Variants in GPR137C observed in about 807,000 individuals in gnomAD.
The protein encoded by GPR137C is integral membrane protein GPR137C.
Under a neutral mutation model 43.4 loss-of-function variants are expected in GPR137C, and 27 were observed. That is an observed-to-expected ratio of 0.62 (90% confidence interval 0.46 to 0.86). The LOEUF (loss-of-function observed/expected upper bound fraction) is 0.86, where lower values mean the gene tolerates loss of function less well. Among genes scored for constraint, GPR137C ranks in the 40% least tolerant of loss-of-function variants. The probability of loss-of-function intolerance (pLI) is 0.00; values close to 1 mark genes in which losing one functional copy is unlikely to be tolerated. For missense variants in GPR137C, 522 were observed against 534.6 expected (o/e 0.98, Z 0.23); for synonymous variants, 285 against 226.9 (o/e 1.26, Z -2.30).
intron 3 of GPR137C, among the ~76,000 whole-genome samples, chr14:52,606,457 G>A (rs1204597543): frequency 6.6e-6 from 1 of 151,908 alleles, no homozygotes; most frequent in African/African-American, 2.4e-5. Context: ...TTTACTTTGA[G>A]ACAGTGTCTT....
At chr14:52,630,915 C>A (rs897039710) in intron 3 of GPR137C, among the ~76,000 whole-genome samples, 1 of 152,106 alleles carries the variant, frequency 6.6e-6, no homozygotes, top group Non-Finnish European at 1.5e-5. Context: ...TGTGTTTAGA[C>A]ACAGAAACCA....
chr14:52,587,662 C>T (rs938226906), intron 1 of GPR137C, among the ~76,000 whole-genome samples: 3 of 152,062 alleles, frequency 2.0e-5, no homozygotes, highest in African/African-American at 4.8e-5. Context: ...TCCAGCTACT[C>T]GAGAGGCTGA....
At chr14:52,577,170 G>C (rs1453586861) in intron 1 of GPR137C, among the ~76,000 whole-genome samples, 2 of 94,646 alleles carry the variant, frequency 2.1e-5, no homozygotes, top group African/African-American at 9.0e-5. Context: ...CTGGGCGACA[G>C]AGTAAGACTC....
At chr14:52,570,044 C>T (rs1390409508) in intron 1 of GPR137C, among the ~76,000 whole-genome samples, 1 of 152,098 alleles carries the variant, frequency 6.6e-6, no homozygotes, top group Non-Finnish European at 1.5e-5. Flanking sequence ...ACATAATCAT[C>T]AGTTTCACCA....
At chr14:52,624,538 A>G (rs1484542620) in intron 3 of GPR137C, among the ~76,000 whole-genome samples, 2 of 151,202 alleles carry the variant, frequency 1.3e-5, no homozygotes, top group Non-Finnish European at 2.9e-5. Context: ...AGCCTGAGCA[A>G]TATGATGAAA....
At chr14:52,624,349 A>G (rs978705980) in intron 3 of GPR137C, among the ~76,000 whole-genome samples, 2 of 152,170 alleles carry the variant, frequency 1.3e-5, no homozygotes, top group Admixed American at 6.5e-5. Context: ...TTTAAATAAT[A>G]TATTAGAACA....
At chr14:52,600,484 A>G in intron 3 of GPR137C, 143 bp downstream of exon 3, 1 of 592,598 alleles carries the variant, frequency 1.7e-6, no homozygotes, top group East Asian at 2.8e-5. Flanking sequence ...CATATTAGTC[A>G]GGCTAGAGTG....
intron 3 of GPR137C, among the ~76,000 whole-genome samples, chr14:52,611,240 A>G (rs868761900): frequency 1.1e-4 from 17 of 152,170 alleles, no homozygotes; most frequent in South Asian, 6.2e-4. Context: ...CTATATGTAT[A>G]AACTATTTCT....
chr14:52,593,260 T>G (rs116498656), intron 1 of GPR137C, among the ~76,000 whole-genome samples: 13,775 of 152,196 alleles, frequency 0.091, 683 homozygotes, highest in South Asian at 0.15. Flanking sequence ...TTTTCACATC[T>G]ATGTTTATTA....
At chr14:52,568,466 C>G (rs1371261408) in intron 1 of GPR137C, among the ~76,000 whole-genome samples, 1 of 152,054 alleles carries the variant, frequency 6.6e-6, no homozygotes, top group Non-Finnish European at 1.5e-5. Context: ...CGTTCACTCC[C>G]CTGGAAAGGG....
chr14:52,636,588 A>C lies in GPR137C; in HGVS notation c.*1473A>C, dbSNP rs117108502. The C allele has an allele frequency of 6.6e-6, 1 of 152,142 alleles. No individual in the cohort carries two copies. Among genetic ancestry groups the C allele is most frequent in the East Asian group, 1.9e-4 (1 of 5,202 alleles). The allele number at this position is 152,142 out of a possible 1,614,324, so 9.4% of individuals were successfully genotyped here. A position where few individuals can be genotyped will look rare whatever the true frequency, so the allele number is the denominator to read the frequency against. ...CCTCGCTTACTTAAAATGTACTTCA[A>C]CTTTTTAACAACTGATACAATAACT... On this transcript the variant is annotated 3_prime_UTR_variant, in exon 7 of 7. Coordinates refer to ENST00000321662, the MANE Select transcript of GPR137C (RefSeq NM_001099652.2).
At chr14:52,562,945 A>G (rs1016863045) in intron 1 of GPR137C, among the ~76,000 whole-genome samples, 7 of 152,326 alleles carry the variant, frequency 4.6e-5, no homozygotes, top group Admixed American at 2.0e-4. Flanking sequence ...TTCATAATCA[A>G]ACTTCTTTCA....
Position 52,576,197 on chromosome 14 carries a change from C to T in GPR137C, c.445-22075C>T, listed in dbSNP as rs150645906. ...CTACATGTGTACCCTTTGTTTAACT[C>T]CCACTTATAAGTGAGAACATCAGTA... is the stretch of plus-strand genomic sequence containing the variant. On this transcript the variant is annotated intron_variant, in intron 1 of 6. Coordinates refer to ENST00000321662, the MANE Select transcript of GPR137C (RefSeq NM_001099652.2). Among the ~76,000 whole-genome samples the T allele has an allele frequency of 1.5e-3, 229 of 152,332 alleles. 1 individual carries two copies. The highest frequency in any genetic ancestry group is 5.4e-3 in the African/African-American group (225 of 41,586).
intron 1 of GPR137C, among the ~76,000 whole-genome samples, chr14:52,578,954 A>AG (rs933727879): frequency 6.6e-6 from 1 of 152,144 alleles, no homozygotes; most frequent in East Asian, 1.9e-4. Flanking sequence ...CAAAAAAAAA[A>AG]AAAAAGAATG....
intron 3 of GPR137C, among the ~76,000 whole-genome samples, chr14:52,631,564 A>G (rs966831698): frequency 1.3e-5 from 2 of 152,168 alleles, no homozygotes; most frequent in Non-Finnish European, 1.5e-5. Flanking sequence ...GTTGAGAACC[A>G]CTAAGTTGGA....
At chr14:52,619,277 A>C (rs1452391305) in intron 3 of GPR137C, among the ~76,000 whole-genome samples, 2 of 152,202 alleles carry the variant, frequency 1.3e-5, no homozygotes, top group African/African-American at 2.4e-5. Flanking sequence ...AATATTATTA[A>C]TATCTCTCTT....
At chr14:52,591,505 T>C (rs1204560505) in intron 1 of GPR137C, among the ~76,000 whole-genome samples, 2 of 152,246 alleles carry the variant, frequency 1.3e-5, no homozygotes. Flanking sequence ...TCCTGACTTT[T>C]TAATGATCAC....
intron 1 of GPR137C, among the ~76,000 whole-genome samples, chr14:52,571,888 G>GAC (rs1474189665): frequency 6.6e-6 from 1 of 152,074 alleles, no homozygotes; most frequent in East Asian, 1.9e-4. Flanking sequence ...GAATCAAATA[G>GAC]ACACAGTAAG....
chr14:52,585,696 A>G (rs1486202178), intron 1 of GPR137C, among the ~76,000 whole-genome samples: 1 of 152,130 alleles, frequency 6.6e-6, no homozygotes, highest in Admixed American at 6.5e-5. Flanking sequence ...TTAGCCAGGT[A>G]TGGTGGCAAG....
Sources: gnomAD v4.1 joint callset for allele counts (sites outside exome capture counted in the v4.1 genomes callset) on GRCh38, gnomAD v4.1.1 for gene constraint, MANE v1.5 for transcripts, NCBI Gene and HGNC (gene_info 2026-07-23, HGNC 2026-07-21) for gene names.